Variants in PRDM2 observed in about 807,000 individuals in gnomAD.
PRDM2 encodes PR domain zinc finger protein 2.
In PRDM2, 30 loss-of-function variants were observed where a neutral mutation model predicts 130.0. That is an observed-to-expected ratio of 0.23 (90% confidence interval 0.17 to 0.31). The LOEUF (loss-of-function observed/expected upper bound fraction) is 0.31. Ranked by LOEUF, PRDM2 falls within the 10% of genes least tolerant of loss-of-function variation. The probability of loss-of-function intolerance (pLI) is 1.00; values close to 1 mark genes in which losing one functional copy is unlikely to be tolerated. For synonymous variants in PRDM2, 871 were observed against 782.4 expected, an observed-to-expected ratio of 1.11 and a Z score of -1.89; for missense variants, 2,011 against 2,108.4, an observed-to-expected ratio of 0.95 and a Z score of 0.90.
chr1:13,816,563 C>T lies in PRDM2; in HGVS notation c.*16C>T, dbSNP rs370675303. The T allele has an allele frequency of 3.7e-6, 6 of 1,614,080 alleles. No homozygotes were observed. Among genetic ancestry groups the T allele is most frequent in the Admixed American group, 1.7e-5 (1 of 60,020 alleles). On this transcript the variant is annotated 3_prime_UTR_variant, in exon 9 of 10. Coordinates refer to ENST00000311066, the MANE Select transcript of PRDM2 (RefSeq NM_001393986.1). ...CAAAGAGTAGACACTCTGGCTGCTC[C>T]CTGACAGGTACGAGGCAGGATGGAA...
intron 8 of PRDM2, among the ~76,000 whole-genome samples, chr1:13,804,156 T>C (rs917072444): frequency 6.6e-6 from 1 of 152,084 alleles, no homozygotes. Context: ...AAAGGGAGGA[T>C]GACATGAAGA....
intron 6 of PRDM2, among the ~76,000 whole-genome samples, chr1:13,751,089 A>G (rs1438980461): frequency 6.6e-6 from 1 of 152,144 alleles, no homozygotes; most frequent in Non-Finnish European, 1.5e-5. Flanking sequence ...CATGTTTAGA[A>G]CATATGTCAT....
At chr1:13,790,816 A>G (rs914760022) in intron 8 of PRDM2, among the ~76,000 whole-genome samples, 28 of 152,092 alleles carry the variant, frequency 1.8e-4, no homozygotes, top group African/African-American at 5.3e-4. Context: ...ACACAGGGTC[A>G]TGTCACTTCC....
chr1:13,750,065 C>T (rs971877788), intron 6 of PRDM2, among the ~76,000 whole-genome samples: 4 of 152,174 alleles, frequency 2.6e-5, no homozygotes, highest in Admixed American at 2.6e-4. Flanking sequence ...AAAGGATGCC[C>T]AGGGGGATGT....
At chr1:13,770,993 C>T (rs1012245488) in intron 6 of PRDM2, among the ~76,000 whole-genome samples, 3 of 152,138 alleles carry the variant, frequency 2.0e-5, no homozygotes, top group Non-Finnish European at 4.4e-5. Context: ...ACGGGCTGAG[C>T]ATCACACACA....
At chr1:13,714,675 T>C (rs922748708) in intron 1 of PRDM2, among the ~76,000 whole-genome samples, 2 of 152,218 alleles carry the variant, frequency 1.3e-5, no homozygotes, top group Non-Finnish European at 2.9e-5. Context: ...AATGTTACAA[T>C]GTAAGCAGAG....
At chr1:13,743,240 A>G (rs1442809210) in intron 5 of PRDM2, among the ~76,000 whole-genome samples, 1 of 152,010 alleles carries the variant, frequency 6.6e-6, no homozygotes, top group Admixed American at 6.6e-5. Context: ...TCTACTAAAA[A>G]ATACAAAAAA....
In PRDM2 at chr1:13,779,825, T is replaced by G; in HGVS notation, c.2030T>G (p.Val677Gly). 3.1e-6 allele frequency: 5 copies of G among 1,614,206 alleles called. No individual in the cohort carries two copies. Among genetic ancestry groups the G allele is most frequent in the Non-Finnish European group, 3.4e-6 (4 of 1,180,032 alleles). ...CTTAGCATATCAACAACAGAGGCAG[T>G]GTCTTTCCACAAAGAGAAAAGTGTT... Reference protein sequence around the residue: ...LPLSISTTEAVSFHKEKSVYL... With the variant: ...LPLSISTTEAGSFHKEKSVYL... The change falls in exon 8 of 10, where the codon GTG (valine) becomes GGG (glycine). Residue 677 changes from valine (V) to glycine (G), a missense_variant. Transcript: ENST00000311066. This position sits in a 1 kb window ranked among gnomAD's most constrained non-coding sequence, Gnocchi z 4.9.
chr1:13,818,847 G>A (rs2100772580), intron 9 of PRDM2, among the ~76,000 whole-genome samples: 1 of 152,246 alleles, frequency 6.6e-6, no homozygotes, highest in East Asian at 1.9e-4. Context: ...CCCTGAGAGG[G>A]GAACCTGGAG....
At chr1:13,814,560 T>G (rs1479676005) in intron 8 of PRDM2, among the ~76,000 whole-genome samples, 1 of 152,250 alleles carries the variant, frequency 6.6e-6, no homozygotes, top group Middle Eastern at 3.2e-3. Context: ...GTTAAACCTT[T>G]GTTGCGGGGG....
At chr1:13,766,777 A>AG (rs1644236770) in intron 6 of PRDM2, among the ~76,000 whole-genome samples, 2 of 152,220 alleles carry the variant, frequency 1.3e-5, no homozygotes, top group Admixed American at 1.3e-4. Context: ...GTGAGGAGGC[A>AG]GCACATCTAG....
At chr1:13,796,252 C>T (rs1400335930) in intron 8 of PRDM2, among the ~76,000 whole-genome samples, 1 of 152,176 alleles carries the variant, frequency 6.6e-6, no homozygotes, top group Non-Finnish European at 1.5e-5. Context: ...CCTTTTCCAT[C>T]TGTCACTCAT....
rs1465070278 is a variant in PRDM2 at position 13,823,232 on chromosome 1, C to A, written c.*97C>A. On this transcript the variant is annotated 3_prime_UTR_variant, in exon 10 of 10. Coordinates refer to ENST00000311066, the MANE Select transcript of PRDM2 (RefSeq NM_001393986.1). ...CCCTGCAGGGAGTACCGACCTATCC[C>A]AGTTGTGTGAGGCTGCGAGAGAAAG... The A allele has an allele frequency of 6.3e-7, 1 of 1,597,956 alleles. No homozygotes were observed. The highest frequency in any genetic ancestry group is 1.1e-5 in the South Asian group (1 of 90,286).
chr1:13,798,298 G>A (rs569410030), intron 8 of PRDM2, among the ~76,000 whole-genome samples: 1 of 152,342 alleles, frequency 6.6e-6, no homozygotes, highest in South Asian at 2.1e-4. Flanking sequence ...AAATGTGAAT[G>A]TTGGGGCAAT....
intron 7 of PRDM2, among the ~76,000 whole-genome samples, chr1:13,773,870 G>T (rs985814757): frequency 2.0e-5 from 3 of 152,114 alleles, no homozygotes; most frequent in South Asian, 4.1e-4. Flanking sequence ...GGTCACATGG[G>T]TATATATATT....
intron 8 of PRDM2, 25 bp from the exon 9 acceptor site, chr1:13,816,402 G>A (rs1383452517): frequency 6.2e-7 from 1 of 1,613,506 alleles, no homozygotes; most frequent in Admixed American, 1.7e-5. Context: ...CTGTGACAAT[G>A]TGTGTTGTTC....
intron 2 of PRDM2, among the ~76,000 whole-genome samples, chr1:13,729,584 A>G (rs547998628): frequency 7.9e-5 from 12 of 152,342 alleles, no homozygotes. Context: ...GGGACACTAT[A>G]TTTAGAAGTG....
intron 8 of PRDM2, among the ~76,000 whole-genome samples, chr1:13,795,053 A>G (rs1644901738): frequency 6.6e-6 from 1 of 152,236 alleles, no homozygotes; most frequent in Admixed American, 6.5e-5. Flanking sequence ...AAAGTGAGAA[A>G]AAAGATGATT....
intron 8 of PRDM2, among the ~76,000 whole-genome samples, chr1:13,805,835 G>C (rs147995824): frequency 6.6e-6 from 1 of 152,298 alleles, no homozygotes; most frequent in African/African-American, 2.4e-5. Flanking sequence ...AGCCCAGGAT[G>C]CCCATGGCGG....
Sources: gnomAD v4.1 joint callset for allele counts (sites outside exome capture counted in the v4.1 genomes callset) on GRCh38, gnomAD v4.1.1 for gene constraint, Gnocchi (gnomAD v3.1) non-coding constraint, MANE v1.5 for transcripts, NCBI Gene and HGNC (gene_info 2026-07-23, HGNC 2026-07-21) for gene names.